Variants in HHLA1 observed in about 807,000 individuals in gnomAD.
The protein encoded by HHLA1 is HERV-H LTR-associating protein 1.
Under a neutral mutation model 69.9 loss-of-function variants are expected in HHLA1, and 72 were observed. That is an observed-to-expected ratio of 1.03 (90% confidence interval 0.85 to 1.25). HHLA1 has a LOEUF of 1.25. Ranked by LOEUF, HHLA1 falls within the 50% of genes most tolerant of loss-of-function variation. The pLI, the probability that HHLA1 is intolerant of heterozygous loss-of-function variation, is 0.00. For missense variants in HHLA1, 685 were observed against 642.2 expected, an observed-to-expected ratio of 1.07 and a Z score of -0.72; for synonymous variants, 252 against 233.2, an observed-to-expected ratio of 1.08 and a Z score of -0.73.
intron 12 of HHLA1, 147 bp downstream of exon 12, chr8:132,077,576 AAGG>A: frequency 1.3e-6 from 1 of 769,326 alleles, no homozygotes; most frequent in East Asian, 2.7e-5. Context: ...GGGCAAAGGA[AAGG>A]AGAAGGAAGA....
At chr8:132,074,502 A>T (rs1823601549) in intron 14 of HHLA1, among the ~76,000 whole-genome samples, 1 of 152,208 alleles carries the variant, frequency 6.6e-6, no homozygotes, top group Admixed American at 6.5e-5. Context: ...GTGAAGAGAA[A>T]GTAAAAATAG....
intron 1 of HHLA1, among the ~76,000 whole-genome samples, chr8:132,108,810 G>A (rs1396066006): frequency 6.6e-6 from 1 of 152,108 alleles, no homozygotes; most frequent in Non-Finnish European, 1.5e-5. Flanking sequence ...TGGGTGCTGA[G>A]TGGGCACACA....
intron 11 of HHLA1, 84 bp from the exon 12 acceptor site, chr8:132,078,055 G>T (rs529077061): frequency 1.4e-6 from 2 of 1,431,152 alleles, no homozygotes; most frequent in Non-Finnish European, 1.9e-6. Context: ...ACATTGAAAC[G>T]TTATCAAAGG....
chr8:132,107,266 A>G (rs544674470), intron 1 of HHLA1, among the ~76,000 whole-genome samples: 1 of 152,030 alleles, frequency 6.6e-6, no homozygotes, highest in Non-Finnish European at 1.5e-5. Flanking sequence ...ACCCTCTTCC[A>G]TTTACTAAGA....
intron 15 of HHLA1, among the ~76,000 whole-genome samples, chr8:132,070,591 C>T (rs1405572062): frequency 6.6e-6 from 1 of 151,586 alleles, no homozygotes; most frequent in African/African-American, 2.4e-5. Flanking sequence ...CTTATCTCAA[C>T]TCAACTCAAC....
chr8:132,099,958 G>C, intron 4 of HHLA1, 117 bp downstream of exon 4: 1 of 723,932 alleles, frequency 1.4e-6, no homozygotes, highest in Non-Finnish European at 2.4e-6. Flanking sequence ...TTAATGATCA[G>C]ATAATGATTA....
rs192539463 is a variant in HHLA1, at chr8:132,103,335, C to A, written c.139+773G>T. ...TTAAAATAAATGAGAATATAAAAAT[C>A]GTCCAGGTCTGGTGGCTCATGCCTG... On this transcript the variant is annotated intron_variant, in intron 3 of 16. Coordinates refer to ENST00000414222, the MANE Select transcript of HHLA1 (RefSeq NM_001145095.3). Among the ~76,000 whole-genome samples, 146 of 152,216 alleles carry A rather than the reference C, an allele frequency of 9.6e-4. 1 individual carries two copies. Among genetic ancestry groups the A allele is most frequent in the African/African-American group, 3.4e-3 (142 of 41,544 alleles).
rs528271155 is a variant in HHLA1 at position 132,095,537 on chromosome 8, G to T, written c.430C>A (p.Arg144=). The T allele has an allele frequency of 1.9e-6, 3 of 1,549,220 alleles. No individual in the cohort carries two copies. The highest frequency in any genetic ancestry group is 1.4e-5 in the African/African-American group (1 of 73,096). Residue 144 remains arginine, a synonymous_variant, in exon 7 of 17, where the codon CGG becomes AGG. Transcript: ENST00000414222. The stretch of plus-strand genomic sequence containing the variant: ...TACCCACCTGATAAGTCATTGGTCC[G>T]ATTGTTTAAACAGTAGCAATACCTT... The part of the protein sequence containing the change: ...PTRYCYCLNN[R]TNDLSDFTAL...
At chr8:132,075,618 C>T (rs1823622244) in intron 14 of HHLA1, among the ~76,000 whole-genome samples, 1 of 152,184 alleles carries the variant, frequency 6.6e-6, no homozygotes, top group Non-Finnish European at 1.5e-5. Context: ...TTGCAGTCAT[C>T]TTTTTTATTC....
At chr8:132,064,071 G>T in intron 16 of HHLA1, 33 bp from the exon 17 acceptor site, 3 of 1,274,670 alleles carry the variant, frequency 2.4e-6, no homozygotes, top group Non-Finnish European at 3.1e-6. Flanking sequence ...AGGAACTCAA[G>T]GTACTGAGAT....
At chr8:132,071,611 A>G (rs754485065) in intron 14 of HHLA1, 118 bp from the exon 15 acceptor site, 3 of 897,774 alleles carry the variant, frequency 3.3e-6, no homozygotes, top group Non-Finnish European at 5.1e-6. Flanking sequence ...GCTCTGAGAC[A>G]GACAGGTAAA....
chr8:132,088,518 G>T (rs544070246), intron 8 of HHLA1, among the ~76,000 whole-genome samples: 2 of 152,126 alleles, frequency 1.3e-5, no homozygotes, highest in Non-Finnish European at 2.9e-5. Context: ...TTTCCCTGAC[G>T]ATGCTGCCTA....
intron 11 of HHLA1, among the ~76,000 whole-genome samples, chr8:132,078,983 T>C (rs1172992599): frequency 6.6e-6 from 1 of 152,242 alleles, no homozygotes; most frequent in Non-Finnish European, 1.5e-5. Context: ...GTTTGTTACA[T>C]ATGTATACAT....
chr8:132,080,795 G>A lies in HHLA1; in HGVS notation c.677-829C>T, dbSNP rs1214068188. 4.6e-5 allele frequency: 7 copies of A among 151,836 alleles called. No homozygotes were observed. The East Asian group carries it at 5.8e-4, about 13-fold the overall frequency. The allele number at this position is 151,836 out of a possible 1,614,324, so 9.4% of individuals were successfully genotyped here. A position where few individuals can be genotyped will look rare whatever the true frequency, so the allele number is the denominator to read the frequency against. ...AGAGAGAATGGGCGATGTTTCTCAG[G>A]GCTGCTTCAAGCGGGATTAGGGGCA... On this transcript the variant is annotated intron_variant, in intron 10 of 16. Transcript: ENST00000414222.
chr8:132,081,379 G>T (rs955126262), intron 10 of HHLA1, among the ~76,000 whole-genome samples: 1 of 152,138 alleles, frequency 6.6e-6, no homozygotes, highest in African/African-American at 2.4e-5. Context: ...AAGGGAAAGT[G>T]GTAAAAGTAT....
At chr8:132,100,278 C>T (rs1026070148) in intron 3 of HHLA1, 144 bp from the exon 4 acceptor site, 5 of 657,974 alleles carry the variant, frequency 7.6e-6, no homozygotes, top group African/African-American at 5.4e-5. Context: ...AGATCACAGA[C>T]TCTTCTGCAT....
At chr8:132,108,537 G>A (rs35556161) in intron 1 of HHLA1, among the ~76,000 whole-genome samples, 21,833 of 151,928 alleles carry the variant, frequency 0.14, 1,715 homozygotes, top group East Asian at 0.17. Context: ...TGTTTCTTCC[G>A]TGACACTTGC....
intron 1 of HHLA1, among the ~76,000 whole-genome samples, chr8:132,109,338 G>T (rs1356371807): frequency 6.6e-6 from 1 of 152,182 alleles, no homozygotes; most frequent in Non-Finnish European, 1.5e-5. Context: ...ACCGGCCTCG[G>T]TCTCCCAAAG....
chr8:132,069,539 C>A (rs1355545597), intron 15 of HHLA1: 1 of 152,192 alleles, frequency 6.6e-6, no homozygotes, highest in Admixed American at 6.5e-5. Flanking sequence ...CAAACAGGTG[C>A]TTCATTGCTC....
Sources: gnomAD v4.1 joint callset for allele counts (sites outside exome capture counted in the v4.1 genomes callset) on GRCh38, gnomAD v4.1.1 for gene constraint, MANE v1.5 for transcripts, NCBI Gene and HGNC (gene_info 2026-07-23, HGNC 2026-07-21) for gene names.